The following PHC2 variants were observed in gnomAD, a reference collection of about 807,000 sequenced individuals.
PHC2 encodes the protein polyhomeotic homolog 2.
A neutral mutation model predicts 87.4 loss-of-function variants in PHC2; 29 were observed. The observed-to-expected ratio is 0.33, with a 90% CI of 0.25 to 0.45. The LOEUF (loss-of-function observed/expected upper bound fraction) is 0.45. PHC2 is among the 20% of genes least tolerant of loss of function. The pLI is 1.00. For missense variants in PHC2, 857 were observed against 1,136.7 expected, an observed-to-expected ratio of 0.75 and a Z score of 3.54; for synonymous variants, 438 against 461.7, an observed-to-expected ratio of 0.95 and a Z score of 0.66.
chr1:33,336,565 T>C (rs1646641361), intron 9 of PHC2: 1 of 152,256 alleles, frequency 6.6e-6, no homozygotes, highest in Admixed American at 6.5e-5. Flanking sequence ...GGCTTTTCTG[T>C]AGAGATGGAA....
intron 9 of PHC2, among the ~76,000 whole-genome samples, chr1:33,340,768 T>C (rs1166072543): frequency 1.3e-5 from 2 of 152,174 alleles, no homozygotes; most frequent in Non-Finnish European, 2.9e-5. Flanking sequence ...CTGAGCTCTA[T>C]CTGGGACCCT....
chr1:33,355,937 TAA>T (rs1360171997), intron 7 of PHC2, among the ~76,000 whole-genome samples: 1 of 152,180 alleles, frequency 6.6e-6, no homozygotes, highest in Non-Finnish European at 1.5e-5. Flanking sequence ...AAAAATGACT[TAA>T]TGTGCACAGC....
rs768906786 is a variant in PHC2, at chr1:33,329,124, G to A, written c.2171C>T (p.Ser724Leu). ...KKQPTGTVPL[S>L]VTAALQLTHS... ...TGTTAGCTGCAAAGCAGCAGTAACC[G>A]AAAGGGGCACAGTGCCTGTTGGCTG... Residue 724 changes from serine (S) to leucine (L), a missense_variant, in exon 14 of 15, where the codon TCG becomes TTG. By Grantham distance (145) the Ser-to-Leu change is moderately radical. Transcript: ENST00000683057. The A allele has an allele frequency of 2.5e-5, 40 of 1,613,908 alleles. No individual in the cohort carries two copies. Among genetic ancestry groups the A allele is most frequent in the South Asian group, 5.5e-5 (5 of 91,090 alleles).
chr1:33,358,545 T>G (rs1377268863), intron 7 of PHC2, among the ~76,000 whole-genome samples: 1 of 152,192 alleles, frequency 6.6e-6, no homozygotes, highest in East Asian at 1.9e-4. Context: ...AGTACTGCAG[T>G]AGAGGAAGGG....
chr1:33,367,001 G>C (rs1249516359), intron 7 of PHC2, 115 bp downstream of exon 7: 1 of 899,162 alleles, frequency 1.1e-6, no homozygotes, highest in Admixed American at 2.3e-5. Context: ...AGGAGAGAGA[G>C]ATCCATGGCT....
chr1:33,363,676 A>C, intron 7 of PHC2: 7 of 893,004 alleles, frequency 7.8e-6, no homozygotes, highest in Non-Finnish European at 9.4e-6. Context: ...GCTTTTCAAC[A>C]ACCCGACAGT....
chr1:33,407,233 T>C (rs1203623067), intron 1 of PHC2, among the ~76,000 whole-genome samples: 1 of 152,246 alleles, frequency 6.6e-6, no homozygotes, highest in Non-Finnish European at 1.5e-5. Context: ...TGTCTCATGA[T>C]TGCAATTTCT....
At chr1:33,325,925 G>T in intron 14 of PHC2, 1 of 456,654 alleles carries the variant, frequency 2.2e-6, no homozygotes, top group South Asian at 1.5e-5. Flanking sequence ...ACTGTATATA[G>T]AAGTCTCATG....
intron 8 of PHC2, 120 bp from the exon 9 acceptor site, chr1:33,354,686 C>T: frequency 1.5e-6 from 2 of 1,321,652 alleles, no homozygotes; most frequent in Non-Finnish European, 2.1e-6. Flanking sequence ...CAGTCATCCT[C>T]AAATTGGGGA....
intron 3 of PHC2, among the ~76,000 whole-genome samples, chr1:33,371,509 G>A (rs1402069674): frequency 4.6e-5 from 7 of 151,260 alleles, no homozygotes; most frequent in Admixed American, 1.3e-4. Flanking sequence ...CCCGGCCACC[G>A]CCATCACACT....
chr1:33,349,523 C>T lies in PHC2; in HGVS notation c.1558+4878G>A. Reference sequence around the variant, plus strand: ...CCGTTAGGGGCACCGAGGGCGGTGCCCGACTTCCAGTGCGGCGAGCGCGGC... The same window carrying T: ...CCGTTAGGGGCACCGAGGGCGGTGCTCGACTTCCAGTGCGGCGAGCGCGGC... On this transcript the variant is annotated intron_variant, in intron 9 of 14. Coordinates refer to ENST00000683057, the MANE Select transcript of PHC2 (RefSeq NM_001385109.1). The surrounding 1 kb of genome is among the most constrained non-coding windows in gnomAD (Gnocchi z 4.2). 1.0e-6 allele frequency: 1 copy of T among 984,252 alleles called. No homozygotes were observed. Among genetic ancestry groups the T allele is most frequent in the Non-Finnish European group, 1.2e-6 (1 of 829,046 alleles). The allele number at this position is 984,252 out of a possible 1,614,324, so 61.0% of individuals were successfully genotyped here.
rs777903742 is a variant in PHC2 at position 33,382,409 on chromosome 1, C to T, written c.-54-6816G>A. Among the ~76,000 whole-genome samples, 1 of 152,130 alleles carries T rather than the reference C, an allele frequency of 6.6e-6. No individual in the cohort carries two copies. The highest frequency in any genetic ancestry group is 1.5e-5 in the Non-Finnish European group (1 of 68,028). On this transcript the variant is annotated intron_variant, in intron 1 of 14. Coordinates refer to ENST00000683057, the MANE Select transcript of PHC2 (RefSeq NM_001385109.1). The surrounding 1 kb of genome is among the most constrained non-coding windows in gnomAD (Gnocchi z 4.3). ...TTTCAGTATTCTACCCACCCCTTTTCAATTTCCTTTTAATTCCTACTCTTA... is the reference window on the plus strand; with the variant it reads ...TTTCAGTATTCTACCCACCCCTTTTTAATTTCCTTTTAATTCCTACTCTTA...
At chr1:33,382,000 C>T (rs1648516608) in intron 1 of PHC2, among the ~76,000 whole-genome samples, 2 of 151,946 alleles carry the variant, frequency 1.3e-5, no homozygotes, top group Non-Finnish European at 2.9e-5. Flanking sequence ...ACCTCCTGCC[C>T]GCATGGTGGT....
At position 33,401,363 on chromosome 1, in the gene PHC2, T is replaced by C. The variant is rs149589097; in HGVS notation, c.-54-25770A>G. Among the ~76,000 whole-genome samples, 418 of 152,196 alleles carry C rather than the reference T, an allele frequency of 2.7e-3. 1 individual carries two copies. Among genetic ancestry groups the C allele is most frequent in the Non-Finnish European group, 4.5e-3 (308 of 68,002 alleles). On this transcript the variant is annotated intron_variant, in intron 1 of 14. Transcript: ENST00000683057. ...GGCTTTATAAGTTAATTCTAAAATA[T>C]ATATGGAAATGCAAAAGACCAAGAA...
At chr1:33,346,760 C>T (rs1646852061) in intron 9 of PHC2, 1 of 985,436 alleles carries the variant, frequency 1.0e-6, no homozygotes, top group African/African-American at 1.7e-5. Flanking sequence ...CTGAGGTCCA[C>T]AGCCTAAAGG....
chr1:33,348,405 C>A (rs1031502449), intron 9 of PHC2, among the ~76,000 whole-genome samples: 4 of 152,126 alleles, frequency 2.6e-5, no homozygotes, highest in Non-Finnish European at 1.5e-5. Flanking sequence ...TTGACTCAGG[C>A]GGGGAAGAAA....
intron 1 of PHC2, among the ~76,000 whole-genome samples, chr1:33,416,111 C>A (rs1357090280): frequency 6.6e-6 from 1 of 152,030 alleles, no homozygotes; most frequent in Non-Finnish European, 1.5e-5. Flanking sequence ...TTTGAAGAAA[C>A]CATAGCTAAA....
At chr1:33,403,189 C>A (rs12728411) in intron 1 of PHC2, among the ~76,000 whole-genome samples, 1 of 135,760 alleles carries the variant, frequency 7.4e-6, no homozygotes, top group Non-Finnish European at 1.5e-5. Flanking sequence ...TGCAGTGGTG[C>A]GATCTCGGCT....
At chr1:33,363,638 G>T in intron 7 of PHC2, 1 of 463,066 alleles carries the variant, frequency 2.2e-6, no homozygotes, top group Non-Finnish European at 2.8e-6. Context: ...CCTGGCATCT[G>T]GAGGCCCAAC....
Sources: allele counts gnomAD v4.1 joint callset (sites outside exome capture counted in the v4.1 genomes callset), GRCh38; gene constraint gnomAD v4.1.1; non-coding constraint Gnocchi (gnomAD v3.1); transcripts MANE v1.5; gene names NCBI Gene and HGNC (gene_info 2026-07-23, HGNC 2026-07-21).